The following ASIC2 variants were observed in gnomAD, a reference collection of about 807,000 sequenced individuals.
ASIC2 encodes the protein acid-sensing ion channel 2.
In ASIC2, 25 loss-of-function variants were observed where a neutral mutation model predicts 57.3. The observed-to-expected ratio is 0.44, with a 90% confidence interval of 0.32 to 0.61. The LOEUF (loss-of-function observed/expected upper bound fraction) is 0.61. Ranked by LOEUF, ASIC2 falls within the 20% of genes least tolerant of loss-of-function variation. The pLI, the probability that ASIC2 is intolerant of heterozygous loss-of-function variation, is 0.06. For synonymous variants in ASIC2, 319 were observed against 307.5 expected (o/e 1.04, Z -0.39); for missense variants, 641 against 738.1 (o/e 0.87, Z 1.52).
rs563751304 is a variant in ASIC2 at position 33,136,816 on chromosome 17, A to G, written c.709-24749T>C. On this transcript the variant is annotated intron_variant, in intron 1 of 9. Transcript: ENST00000225823. Reference sequence around the variant, plus strand: ...AGATGGAGAAAGTCTGGACTAGGGTAACAGCACATGGATTCTATTCCCAGT... The same window carrying G: ...AGATGGAGAAAGTCTGGACTAGGGTGACAGCACATGGATTCTATTCCCAGT... Among the ~76,000 whole-genome samples, 25 of 152,336 alleles carry G rather than the reference A, an allele frequency of 1.6e-4. No homozygotes were observed. In the Middle Eastern group the frequency reaches 0.014, roughly 83 times the overall value.
chr17:34,054,231 G>A (rs550059662), intron 1 of ASIC2, among the ~76,000 whole-genome samples: 4 of 152,214 alleles, frequency 2.6e-5, no homozygotes, highest in Non-Finnish European at 4.4e-5. Context: ...CATTACATGC[G>A]TCCCTTTCCC....
At chr17:33,988,513 C>A in intron 1 of ASIC2, among the ~76,000 whole-genome samples, 1 of 152,186 alleles carries the variant, frequency 6.6e-6, no homozygotes, top group South Asian at 2.1e-4. Context: ...TCCCATTAAA[C>A]CTCTTTCTTT....
At chr17:33,490,443 C>T (rs1913716672) in intron 1 of ASIC2, among the ~76,000 whole-genome samples, 2 of 152,168 alleles carry the variant, frequency 1.3e-5, no homozygotes, top group Non-Finnish European at 2.9e-5. Flanking sequence ...GTGTTCCCAC[C>T]CAAATCTCAC....
chr17:33,579,228 G>A (rs894085123), intron 1 of ASIC2, among the ~76,000 whole-genome samples: 5 of 148,634 alleles, frequency 3.4e-5, no homozygotes, highest in Non-Finnish European at 7.4e-5. Context: ...AGAGGTTGCA[G>A]TGAGCCAAAA....
intron 2 of ASIC2, among the ~76,000 whole-genome samples, chr17:33,110,427 T>C (rs1426891514): frequency 2.0e-5 from 3 of 152,064 alleles, no homozygotes; most frequent in Admixed American, 2.0e-4. Flanking sequence ...GGGCATTGAG[T>C]TGAGAAAAGT....
intron 1 of ASIC2, among the ~76,000 whole-genome samples, chr17:33,807,963 A>G (rs935228503): frequency 7.9e-5 from 12 of 152,108 alleles, no homozygotes; most frequent in Middle Eastern, 3.2e-3. Flanking sequence ...TTTTGCAAAT[A>G]TTTTTCTCCC....
rs1908042894 is a variant in ASIC2 at position 34,039,911 on chromosome 17, C to A, written c.555+116067G>T. 4 of 1,551,706 alleles carry A rather than the reference C, an allele frequency of 2.6e-6. No individual in the cohort carries two copies. The African/African-American group carries it at 5.4e-5, about 21-fold the overall frequency. On this transcript the variant is annotated intron_variant, in intron 1 of 9. Coordinates refer to the ASIC2 transcript ENST00000359872. ...GCCGCCGCTGCCGCTCCACGCTCCT[C>A]CCTGGAGGGACCCCGACCCGACCCG... is the stretch of plus-strand genomic sequence containing the variant.
Position 33,348,055 on chromosome 17 carries a change from T to G in ASIC2, c.556-235988A>C, listed in dbSNP as rs190190735. Among the ~76,000 whole-genome samples, 6 of 152,294 alleles carry G rather than the reference T, an allele frequency of 3.9e-5. No individual in the cohort carries two copies. In the East Asian group the frequency reaches 1.2e-3, roughly 29 times the overall value. On this transcript the variant is annotated intron_variant, in intron 1 of 9. Coordinates refer to the ASIC2 transcript ENST00000359872. ...AAGTAGAGGTTGCAGTGAGCCGAGATGGCACTGCTGCACTCCAGCCTGTGT... is the reference window on the plus strand; with the variant it reads ...AAGTAGAGGTTGCAGTGAGCCGAGAGGGCACTGCTGCACTCCAGCCTGTGT...
intron 1 of ASIC2, among the ~76,000 whole-genome samples, chr17:33,875,517 G>A (rs1047971760): frequency 3.9e-5 from 6 of 152,108 alleles, no homozygotes; most frequent in South Asian, 2.1e-4. Flanking sequence ...CAGAATCCTC[G>A]GTCATATATG....
intron 1 of ASIC2, among the ~76,000 whole-genome samples, chr17:33,547,440 T>A (rs1915616302): frequency 6.6e-6 from 1 of 152,154 alleles, no homozygotes; most frequent in African/African-American, 2.4e-5. Context: ...CATTGAATTG[T>A]CCATTTGCTG....
chr17:33,228,812 C>T (rs755313953), intron 1 of ASIC2, among the ~76,000 whole-genome samples: 14 of 152,236 alleles, frequency 9.2e-5, no homozygotes, highest in Non-Finnish European at 1.5e-4. Flanking sequence ...TCCATTACCC[C>T]ACCCAGGCTC....
chr17:33,673,776 C>T (rs1265085066), intron 1 of ASIC2, among the ~76,000 whole-genome samples: 1 of 152,156 alleles, frequency 6.6e-6, no homozygotes, highest in Non-Finnish European at 1.5e-5. Context: ...AAAGAAGTGG[C>T]TCCCTGAACC....
intron 1 of ASIC2, among the ~76,000 whole-genome samples, chr17:33,263,410 T>C (rs963880179): frequency 1.3e-5 from 2 of 152,218 alleles, no homozygotes; most frequent in African/African-American, 2.4e-5. Flanking sequence ...CTTTTCTCCC[T>C]AGAAAATGTT....
chr17:33,666,076 T>A (rs1031503115), intron 1 of ASIC2, among the ~76,000 whole-genome samples: 1 of 152,214 alleles, frequency 6.6e-6, no homozygotes, highest in African/African-American at 2.4e-5. Flanking sequence ...GGATGTTTCA[T>A]AAATGTCAGA....
intron 1 of ASIC2, among the ~76,000 whole-genome samples, chr17:34,076,780 C>T (rs915311357): frequency 2.6e-5 from 4 of 152,216 alleles, no homozygotes; most frequent in Non-Finnish European, 4.4e-5. Flanking sequence ...AGAGCAAAGC[C>T]ACTTGCTTGC....
At chr17:33,269,678 C>T (rs1597659339) in intron 1 of ASIC2, among the ~76,000 whole-genome samples, 2 of 64,906 alleles carry the variant, frequency 3.1e-5, no homozygotes, top group African/African-American at 5.2e-5. Flanking sequence ...TTCCTTCCCT[C>T]CCTCCCTCCT....
intron 1 of ASIC2, among the ~76,000 whole-genome samples, chr17:34,078,090 A>G (rs1351805249): frequency 6.6e-6 from 1 of 152,132 alleles, no homozygotes; most frequent in Admixed American, 6.5e-5. Flanking sequence ...CTCAGTGTTC[A>G]GCTACACTGG....
At chr17:33,789,951 C>T (rs1911719311) in intron 1 of ASIC2, among the ~76,000 whole-genome samples, 1 of 152,040 alleles carries the variant, frequency 6.6e-6, no homozygotes, top group Non-Finnish European at 1.5e-5. Flanking sequence ...TGCAGAATGA[C>T]GTGGGTCATA....
intron 1 of ASIC2, among the ~76,000 whole-genome samples, chr17:33,463,756 G>A (rs368526039): frequency 1.3e-5 from 2 of 152,188 alleles, no homozygotes; most frequent in African/African-American, 2.4e-5. Context: ...CAGCCCAGTC[G>A]ATCTCTCTCT....
Sources: gnomAD v4.1 joint callset for allele counts (sites outside exome capture counted in the v4.1 genomes callset) on GRCh38, gnomAD v4.1.1 for gene constraint, MANE v1.5 for transcripts, NCBI Gene and HGNC (gene_info 2026-07-23, HGNC 2026-07-21) for gene names.